Variants in CEP112 observed in about 807,000 individuals in gnomAD.
CEP112 encodes the protein centrosomal protein 112.
In CEP112, 127 loss-of-function variants were observed where a neutral mutation model predicts 153.0. That is an observed-to-expected ratio of 0.83 (90% CI 0.72 to 0.96). The LOEUF (loss-of-function observed/expected upper bound fraction) is 0.96, where lower values mean the gene tolerates loss of function less well. Among genes scored for constraint, CEP112 ranks in the 40% least tolerant of loss-of-function variants. The pLI, the probability that CEP112 is intolerant of heterozygous loss-of-function variation, is 0.00. For missense variants in CEP112, 1,089 were observed against 1,101.2 expected, an observed-to-expected ratio of 0.99 and a Z score of 0.16; for synonymous variants, 358 against 374.4, an observed-to-expected ratio of 0.96 and a Z score of 0.51.
chr17:65,652,308 C>G (rs1052290238), intron 24 of CEP112, among the ~76,000 whole-genome samples: 4 of 151,928 alleles, frequency 2.6e-5, no homozygotes, highest in African/African-American at 9.7e-5. Flanking sequence ...TGTGTGCTCC[C>G]AGAAAGAGTA....
chr17:65,679,907 G>C (rs1002164824), intron 24 of CEP112, among the ~76,000 whole-genome samples: 2 of 152,220 alleles, frequency 1.3e-5, no homozygotes, highest in African/African-American at 4.8e-5. Flanking sequence ...GGAGCTTCCA[G>C]AGTCGTCTAA....
intron 18 of CEP112, among the ~76,000 whole-genome samples, chr17:65,938,432 A>G (rs58116760): frequency 0.43 from 55,905 of 130,040 alleles, 12,697 homozygotes; most frequent in East Asian, 0.86. Context: ...AAAAAAAAAA[A>G]GAAAGAAAAA....
intron 21 of CEP112, among the ~76,000 whole-genome samples, chr17:65,816,843 A>C (rs1427232546): frequency 6.6e-6 from 1 of 152,028 alleles, no homozygotes; most frequent in East Asian, 1.9e-4. Context: ...TTTCTGAAAC[A>C]GTTTGTGTTG....
At chr17:65,976,755 G>C (rs138949676) in intron 17 of CEP112, among the ~76,000 whole-genome samples, 2 of 29,712 alleles carry the variant, frequency 6.7e-5, no homozygotes, top group Non-Finnish European at 1.5e-4. Context: ...TTTTTTTTTT[G>C]AGACAGAGAG....
intron 20 of CEP112, among the ~76,000 whole-genome samples, chr17:65,864,023 C>T (rs1272792852): frequency 2.0e-5 from 3 of 151,902 alleles, no homozygotes; most frequent in Non-Finnish European, 2.9e-5. Flanking sequence ...CACCTGTAGT[C>T]CCAGCTACTC....
At chr17:65,639,092 A>G (rs1343315286) in intron 25 of CEP112, among the ~76,000 whole-genome samples, 1 of 152,174 alleles carries the variant, frequency 6.6e-6, no homozygotes, top group Non-Finnish European at 1.5e-5. Flanking sequence ...AGGCGTGAAC[A>G]AAATTTCATA....
chr17:66,063,096 G>T lies in CEP112; in HGVS notation c.956-15C>A. ...CAGTGTCTGAACTGTCAAAAATTTTGAAAACATAGTTAAACCAATTCTAGG... is the reference window on the plus strand; with the variant it reads ...CAGTGTCTGAACTGTCAAAAATTTTTAAAACATAGTTAAACCAATTCTAGG... On this transcript the variant is annotated splice_polypyrimidine_tract_variant and intron_variant, in intron 10 of 26. Coordinates refer to ENST00000535342, the MANE Select transcript of CEP112 (RefSeq NM_001199165.4). The T allele has an allele frequency of 7.2e-7, 1 of 1,396,408 alleles. No homozygotes were observed. Among genetic ancestry groups the T allele is most frequent in the Non-Finnish European group, 9.7e-7 (1 of 1,027,762 alleles). The allele number at this position is 1,396,408 out of a possible 1,614,324, so 86.5% of individuals were successfully genotyped here.
intron 24 of CEP112, among the ~76,000 whole-genome samples, chr17:65,643,337 G>A (rs371111249): frequency 5.3e-5 from 8 of 151,918 alleles, no homozygotes; most frequent in South Asian, 4.2e-4. Context: ...TCAATCTGTC[G>A]CCCAGGCTGT....
chr17:66,136,836 T>G (rs1308840550), intron 4 of CEP112, among the ~76,000 whole-genome samples: 1 of 152,016 alleles, frequency 6.6e-6, no homozygotes, highest in Non-Finnish European at 1.5e-5. Flanking sequence ...AGAAGACATA[T>G]CCACAGAAAA....
intron 17 of CEP112, among the ~76,000 whole-genome samples, chr17:65,969,553 T>C (rs537352937): frequency 1.3e-5 from 2 of 151,464 alleles, no homozygotes; most frequent in East Asian, 3.9e-4. Context: ...AAATGAATAT[T>C]GTGTGCATGT....
At chr17:65,684,091 G>A (rs2047669325) in intron 24 of CEP112, among the ~76,000 whole-genome samples, 1 of 151,792 alleles carries the variant, frequency 6.6e-6, no homozygotes, top group Non-Finnish European at 1.5e-5. Flanking sequence ...CCACACCTGG[G>A]GTCTACATTT....
chr17:65,893,604 C>G (rs1348944870), intron 20 of CEP112, among the ~76,000 whole-genome samples: 5 of 152,102 alleles, frequency 3.3e-5, no homozygotes, highest in Non-Finnish European at 5.9e-5. Flanking sequence ...TGATTCAATA[C>G]TTGGGGGCTC....
intron 8 of CEP112, among the ~76,000 whole-genome samples, chr17:66,072,219 A>G (rs572454494): frequency 1.2e-4 from 18 of 152,240 alleles, no homozygotes; most frequent in Admixed American, 8.5e-4. Context: ...ACTTCAATAT[A>G]TATTTCCTTA....
Position 66,096,615 on chromosome 17 carries a change from G to A in CEP112, c.660C>T (p.Tyr220=), listed in dbSNP as rs772497660. Residue 220 remains tyrosine (Y), a synonymous_variant, in exon 7 of 27, where the codon TAC becomes TAT. Transcript: ENST00000535342. ...AAACTGGGATAGGCTTCTGTCTCAG[G>A]TATCGAGGATTTTCTATCTGAAAAT... ...SWNLGIENPR[Y]LRQKPIPVSL... 36 of 1,591,030 alleles carry A rather than the reference G, an allele frequency of 2.3e-5. No individual in the cohort carries two copies. The highest frequency in any genetic ancestry group is 5.0e-5 in the Admixed American group (3 of 59,516).
At chr17:66,115,695 A>G (rs1020197687) in intron 6 of CEP112, among the ~76,000 whole-genome samples, 2 of 152,126 alleles carry the variant, frequency 1.3e-5, no homozygotes, top group African/African-American at 4.8e-5. Flanking sequence ...TTTCTTACAC[A>G]TTGTTACAGT....
chr17:65,867,380 G>C (rs2058521892), intron 20 of CEP112, among the ~76,000 whole-genome samples: 1 of 152,190 alleles, frequency 6.6e-6, no homozygotes, highest in African/African-American at 2.4e-5. Context: ...GCAAAACCCA[G>C]GCAAAGACGC....
chr17:66,140,763 G>T (rs184978709), intron 4 of CEP112, among the ~76,000 whole-genome samples: 1 of 151,934 alleles, frequency 6.6e-6, no homozygotes. Flanking sequence ...CTGCCTCCCC[G>T]AGTGGCTGGG....
At chr17:66,129,891 G>A (rs1367848737) in intron 5 of CEP112, 68 bp from the exon 6 acceptor site, 2 of 1,013,398 alleles carry the variant, frequency 2.0e-6, no homozygotes, top group East Asian at 2.5e-5. Context: ...GGAAAAGATG[G>A]AAGAGATAAA....
chr17:66,094,134 A>C lies in CEP112; in HGVS notation c.768+2117T>G, dbSNP rs201071787. ...GAGTTCGGTGACACAATCTTGGCTC[A>C]CTGCAACCTCTGCCTCCCAGGTTCA... On this transcript the variant is annotated intron_variant, in intron 8 of 26. Transcript: ENST00000535342. Among the ~76,000 whole-genome samples, 5 of 152,238 alleles carry C rather than the reference A, an allele frequency of 3.3e-5. No individual in the cohort carries two copies. In the East Asian group the frequency reaches 7.7e-4, roughly 24 times the overall value.
Sources: gnomAD v4.1 joint callset for allele counts (sites outside exome capture counted in the v4.1 genomes callset) on GRCh38, gnomAD v4.1.1 for gene constraint, MANE v1.5 for transcripts, NCBI Gene and HGNC (gene_info 2026-07-23, HGNC 2026-07-21) for gene names.